The following CNTNAP2 variants were observed in gnomAD, a reference collection of about 807,000 sequenced individuals.
The protein encoded by CNTNAP2 is contactin associated protein 2.
In CNTNAP2, 98 loss-of-function variants were observed where a neutral mutation model predicts 155.2. The ratio of observed to expected loss-of-function variants is 0.63; its 90% CI spans 0.54 to 0.75. CNTNAP2 has a LOEUF of 0.75. Among genes scored for constraint, CNTNAP2 ranks in the 30% least tolerant of loss-of-function variants. The probability of loss-of-function intolerance (pLI) is 0.00; values close to 1 mark genes in which losing one functional copy is unlikely to be tolerated. For missense variants in CNTNAP2, 1,727 were observed against 1,688.1 expected (o/e 1.02, Z -0.40); for synonymous variants, 651 against 631.2 (o/e 1.03, Z -0.47).
At chr7:147,608,437 A>G (rs958621809) in intron 12 of CNTNAP2, among the ~76,000 whole-genome samples, 13 of 151,958 alleles carry the variant, frequency 8.6e-5, no homozygotes, top group Non-Finnish European at 2.9e-5. Context: ...GGTAGGATCT[A>G]TAACCCCATG....
chr7:146,309,316 A>C (rs371281976), intron 1 of CNTNAP2, among the ~76,000 whole-genome samples: 35 of 152,162 alleles, frequency 2.3e-4, no homozygotes, highest in African/African-American at 8.2e-4. Flanking sequence ...CTGTGTCCTG[A>C]AGAAGGGGTC....
At chr7:147,775,128 T>C (rs1159653533) in intron 13 of CNTNAP2, among the ~76,000 whole-genome samples, 11 of 149,078 alleles carry the variant, frequency 7.4e-5, no homozygotes, top group Non-Finnish European at 1.3e-4. Context: ...CTTTTCACAA[T>C]ATCTTATGGG....
chr7:147,389,107 T>C (rs1003891870), intron 9 of CNTNAP2, among the ~76,000 whole-genome samples: 8 of 152,102 alleles, frequency 5.3e-5, no homozygotes, highest in Admixed American at 1.3e-4. Flanking sequence ...TATGAGGCTG[T>C]TTTCCTGCCC....
intron 1 of CNTNAP2, among the ~76,000 whole-genome samples, chr7:146,721,031 C>G (rs1353619639): frequency 3.4e-5 from 4 of 116,548 alleles, no homozygotes; most frequent in Non-Finnish European, 5.0e-5. Context: ...ATTATATATA[C>G]TCTATATATT....
chr7:147,705,402 A>G (rs527586549), intron 13 of CNTNAP2, among the ~76,000 whole-genome samples: 1 of 152,152 alleles, frequency 6.6e-6, no homozygotes, highest in Non-Finnish European at 1.5e-5. Context: ...TTCCATTGTG[A>G]TCTGAGAAGA....
chr7:146,152,467 A>G (rs1798066570), intron 1 of CNTNAP2, among the ~76,000 whole-genome samples: 1 of 152,070 alleles, frequency 6.6e-6, no homozygotes, highest in Admixed American at 6.6e-5. Context: ...CGTGGTAGCT[A>G]TAGTTAACAA....
intron 1 of CNTNAP2, among the ~76,000 whole-genome samples, chr7:146,493,005 T>G (rs184447705): frequency 6.6e-6 from 1 of 152,218 alleles, no homozygotes; most frequent in Non-Finnish European, 1.5e-5. Context: ...TTGAGTAATC[T>G]AAGCGCAATT....
chr7:146,691,894 C>T (rs1800703014), intron 1 of CNTNAP2, among the ~76,000 whole-genome samples: 1 of 152,206 alleles, frequency 6.6e-6, no homozygotes, highest in East Asian at 1.9e-4. Context: ...ACAATGGAAA[C>T]ATGGCTTTTC....
chr7:147,195,510 T>C (rs1802780879), intron 8 of CNTNAP2, among the ~76,000 whole-genome samples: 1 of 152,192 alleles, frequency 6.6e-6, no homozygotes, highest in Admixed American at 6.5e-5. Context: ...TAAATTACTT[T>C]GGGCAGTATG....
chr7:147,166,209 C>T (rs1022088713), intron 8 of CNTNAP2, among the ~76,000 whole-genome samples: 1 of 152,020 alleles, frequency 6.6e-6, no homozygotes, highest in African/African-American at 2.4e-5. Context: ...ATACACTCAA[C>T]CATGAAAAGG....
intron 1 of CNTNAP2, among the ~76,000 whole-genome samples, chr7:146,658,047 A>T (rs1563175814): frequency 6.6e-6 from 1 of 152,172 alleles, no homozygotes; most frequent in Non-Finnish European, 1.5e-5. Flanking sequence ...TAGACTGTTG[A>T]CTAGTGAGAA....
intron 4 of CNTNAP2, among the ~76,000 whole-genome samples, chr7:147,076,989 C>T (rs1274484426): frequency 1.3e-5 from 2 of 152,120 alleles, no homozygotes; most frequent in African/African-American, 4.8e-5. Flanking sequence ...TCCTGAGTTT[C>T]TTTAAAACAC....
intron 1 of CNTNAP2, among the ~76,000 whole-genome samples, chr7:146,122,732 T>C (rs1370794764): frequency 6.6e-6 from 1 of 152,210 alleles, no homozygotes; most frequent in African/African-American, 2.4e-5. Flanking sequence ...GAATACCGTT[T>C]CTTTATCTGT....
chr7:146,267,041 T>G (rs952299257), intron 1 of CNTNAP2, among the ~76,000 whole-genome samples: 15 of 152,120 alleles, frequency 9.9e-5, no homozygotes, highest in Admixed American at 7.9e-4. Context: ...GAAACCTGTG[T>G]AGTTGTAAAA....
chr7:148,174,426 C>CCA (rs1554400557), intron 18 of CNTNAP2, among the ~76,000 whole-genome samples: 11 of 152,020 alleles, frequency 7.2e-5, no homozygotes, highest in Non-Finnish European at 1.6e-4. Flanking sequence ...GACCGCCCCC[C>CCA]ACCTCAGGCT....
chr7:147,894,954 TTTC>T (rs1799752464), intron 13 of CNTNAP2, among the ~76,000 whole-genome samples: 11 of 88,946 alleles, frequency 1.2e-4, no homozygotes, highest in Middle Eastern at 4.9e-3. Flanking sequence ...TCTTTCTTTC[TTTC>T]TTTCTTTCTT....
At chr7:147,200,544 G>A (rs1447256091) in intron 8 of CNTNAP2, among the ~76,000 whole-genome samples, 1 of 152,130 alleles carries the variant, frequency 6.6e-6, no homozygotes, top group Non-Finnish European at 1.5e-5. Context: ...ACCCCAGAGG[G>A]ACATTATCTT....
At chr7:146,365,146 C>T (rs911933444) in intron 1 of CNTNAP2, among the ~76,000 whole-genome samples, 3 of 152,124 alleles carry the variant, frequency 2.0e-5, no homozygotes, top group African/African-American at 4.8e-5. Context: ...CCAACTGCCT[C>T]CAATGCACCA....
chr7:147,063,572 C>A (rs989650590), intron 4 of CNTNAP2, among the ~76,000 whole-genome samples: 3 of 151,630 alleles, frequency 2.0e-5, no homozygotes, highest in Non-Finnish European at 2.9e-5. Flanking sequence ...ATATTGGGCC[C>A]AAGAAAGTAA....
Sources: gnomAD v4.1 joint callset for allele counts (sites outside exome capture counted in the v4.1 genomes callset) on GRCh38, gnomAD v4.1.1 for gene constraint, MANE v1.5 for transcripts, NCBI Gene and HGNC (gene_info 2026-07-23, HGNC 2026-07-21) for gene names.